The following TNR variants were observed in gnomAD, a reference collection of about 807,000 sequenced individuals.
TNR encodes tenascin R.
A neutral mutation model predicts 150.4 loss-of-function variants in TNR; 45 were observed. That is an observed-to-expected ratio of 0.30 (90% CI 0.24 to 0.38). The LOEUF is 0.38. Among genes scored for constraint, TNR ranks in the 10% least tolerant of loss-of-function variants. The pLI is 1.00. For synonymous variants in TNR, 687 were observed against 678.4 expected, an observed-to-expected ratio of 1.01 and a Z score of -0.20; for missense variants, 1,544 against 1,759.1, an observed-to-expected ratio of 0.88 and a Z score of 2.19.
At chr1:175,447,396 G>A (rs991167740) in intron 2 of TNR, among the ~76,000 whole-genome samples, 3 of 152,114 alleles carry the variant, frequency 2.0e-5, no homozygotes, top group Non-Finnish European at 2.9e-5. Flanking sequence ...GGTGGGCAGC[G>A]GGAAGGAGGG....
chr1:175,462,584 C>A (rs1169301597), intron 2 of TNR, among the ~76,000 whole-genome samples: 1 of 152,200 alleles, frequency 6.6e-6, no homozygotes, highest in Non-Finnish European at 1.5e-5. Context: ...ACTCTGAGAG[C>A]TGATCTTGCT....
intron 4 of TNR, among the ~76,000 whole-genome samples, chr1:175,397,337 T>C (rs1296504461): frequency 6.6e-6 from 1 of 152,180 alleles, no homozygotes; most frequent in Non-Finnish European, 1.5e-5. Flanking sequence ...AAATTGGCCA[T>C]GGAGAGAGTA....
chr1:175,700,492 A>G (rs1400170706), intron 1 of TNR, among the ~76,000 whole-genome samples: 1 of 152,178 alleles, frequency 6.6e-6, no homozygotes, highest in Non-Finnish European at 1.5e-5. Flanking sequence ...GGCAACATGC[A>G]GCTTCCTTGG....
At chr1:175,697,388 C>T (rs1399024473) in intron 1 of TNR, among the ~76,000 whole-genome samples, 3 of 151,084 alleles carry the variant, frequency 2.0e-5, no homozygotes, top group African/African-American at 7.3e-5. Context: ...CTGACAGACT[C>T]AATTCTCTTC....
At chr1:175,376,464 G>A (rs1044851839) in intron 9 of TNR, among the ~76,000 whole-genome samples, 9 of 106,046 alleles carry the variant, frequency 8.5e-5, no homozygotes, top group African/African-American at 3.1e-4. Flanking sequence ...CAAGTGGCAA[G>A]CCTGGGTACA....
At chr1:175,535,234 G>C (rs1264047133) in intron 1 of TNR, among the ~76,000 whole-genome samples, 3 of 152,126 alleles carry the variant, frequency 2.0e-5, no homozygotes, top group East Asian at 1.9e-4. Context: ...AGCATTCCCT[G>C]TTCCTCAATG....
chr1:175,537,825 G>C (rs1289623128), intron 1 of TNR, among the ~76,000 whole-genome samples: 1 of 152,232 alleles, frequency 6.6e-6, no homozygotes, highest in Non-Finnish European at 1.5e-5. Flanking sequence ...CCAGGCATCT[G>C]TGTGAGCCAG....
intron 1 of TNR, among the ~76,000 whole-genome samples, chr1:175,696,217 G>GTTTTTTT (rs5778870): frequency 2.0e-4 from 8 of 40,454 alleles, no homozygotes; most frequent in African/African-American, 5.3e-4. Flanking sequence ...CCTTCCTGTA[G>GTTTTTTT]TTTTTTTTTT....
intron 1 of TNR, among the ~76,000 whole-genome samples, chr1:175,528,632 T>C (rs1233421406): frequency 2.6e-5 from 4 of 152,210 alleles, no homozygotes; most frequent in Non-Finnish European, 5.9e-5. Flanking sequence ...TATGGAATGA[T>C]TATAAATCCA....
At position 175,725,174 on chromosome 1, in the gene TNR, C is replaced by T. The variant is rs577073096; in HGVS notation, c.-165+18052G>A. Among the ~76,000 whole-genome samples the T allele has an allele frequency of 2.0e-5, 3 of 152,272 alleles. No individual in the cohort carries two copies. The South Asian group carries it at 6.2e-4, about 32-fold the overall frequency. ...TGGAAAAAAGCAACAGGCCCCTTTC[C>T]ACCATGTGAGGATGCAATGAGGAGG... On this transcript the variant is annotated intron_variant, in intron 1 of 22. Transcript: ENST00000367674.
At chr1:175,504,455 T>C (rs1339269558) in intron 2 of TNR, among the ~76,000 whole-genome samples, 3 of 152,154 alleles carry the variant, frequency 2.0e-5, no homozygotes, top group African/African-American at 4.8e-5. Context: ...GCTAACATCT[T>C]GCAGCTTCAG....
chr1:175,704,094 T>A (rs1376912157), intron 1 of TNR, among the ~76,000 whole-genome samples: 1 of 152,168 alleles, frequency 6.6e-6, no homozygotes, highest in Non-Finnish European at 1.5e-5. Context: ...GCATTTCAGT[T>A]TGGGATGATG....
intron 2 of TNR, among the ~76,000 whole-genome samples, chr1:175,407,591 T>G (rs1453689145): frequency 6.6e-6 from 1 of 152,148 alleles, no homozygotes; most frequent in Non-Finnish European, 1.5e-5. Flanking sequence ...GAAAAGAGAT[T>G]TACAAAACTT....
intron 1 of TNR, among the ~76,000 whole-genome samples, chr1:175,602,835 G>A (rs756237835): frequency 4.6e-5 from 7 of 152,092 alleles, no homozygotes; most frequent in Non-Finnish European, 1.0e-4. Context: ...AGAAAGCTCC[G>A]AGACCAACAA....
Position 175,707,662 on chromosome 1 carries a change from C to G in TNR, c.-165+35564G>C, listed in dbSNP as rs59488603. The stretch of plus-strand genomic sequence containing the variant: ...GGTGTCCTCACTGATATTTTATAGC[C>G]TCTTTTTAAAACCCAACTTGTTCAA... On this transcript the variant is annotated intron_variant, in intron 1 of 22. Transcript: ENST00000367674. Among the ~76,000 whole-genome samples, 698 of 152,220 alleles carry G rather than the reference C, an allele frequency of 4.6e-3. 3 individuals carry two copies. Among genetic ancestry groups the G allele is most frequent in the African/African-American group, 0.016 (663 of 41,540 alleles).
chr1:175,543,059 T>A (rs1368397138), intron 1 of TNR, among the ~76,000 whole-genome samples: 1 of 152,190 alleles, frequency 6.6e-6, no homozygotes, highest in East Asian at 1.9e-4. Flanking sequence ...ATTTTGAAAT[T>A]ATAAATAACG....
intron 2 of TNR, among the ~76,000 whole-genome samples, chr1:175,516,454 G>A (rs1490283674): frequency 2.6e-5 from 4 of 152,216 alleles, no homozygotes; most frequent in African/African-American, 4.8e-5. Flanking sequence ...TGGTTTCTAA[G>A]GGACTGTGTG....
At chr1:175,427,973 G>T (rs1255381356) in intron 2 of TNR, among the ~76,000 whole-genome samples, 1 of 148,452 alleles carries the variant, frequency 6.7e-6, no homozygotes, top group East Asian at 2.0e-4. Context: ...ACCAAAAAAT[G>T]CATTACAGCA....
chr1:175,522,090 C>A (rs918437861), intron 2 of TNR, among the ~76,000 whole-genome samples: 2 of 152,196 alleles, frequency 1.3e-5, no homozygotes, highest in South Asian at 2.1e-4. Context: ...AGCTGCCTTG[C>A]ATTTCCTTTT....
Sources: gnomAD v4.1 joint callset for allele counts (sites outside exome capture counted in the v4.1 genomes callset) on GRCh38, gnomAD v4.1.1 for gene constraint, MANE v1.5 for transcripts, NCBI Gene and HGNC (gene_info 2026-07-23, HGNC 2026-07-21) for gene names.